The following ADCY8 variants were observed in gnomAD, a reference collection of about 807,000 sequenced individuals.
The protein encoded by ADCY8 is adenylate cyclase 8, also known as adenylate cyclase type 8.
Under a neutral mutation model 119.7 loss-of-function variants are expected in ADCY8, and 51 were observed. The observed-to-expected ratio is 0.43, with a 90% CI of 0.34 to 0.54. The LOEUF (loss-of-function observed/expected upper bound fraction) is 0.54. Ranked by LOEUF, ADCY8 falls within the 20% of genes least tolerant of loss-of-function variation. The probability of loss-of-function intolerance (pLI) is 0.03; values close to 1 mark genes in which losing one functional copy is unlikely to be tolerated. For missense variants in ADCY8, 1,383 were observed against 1,598.8 expected, an observed-to-expected ratio of 0.87 and a Z score of 2.30; for synonymous variants, 665 against 651.0, an observed-to-expected ratio of 1.02 and a Z score of -0.33.
intron 9 of ADCY8, among the ~76,000 whole-genome samples, chr8:130,864,107 T>C (rs893900947): frequency 6.6e-6 from 1 of 152,168 alleles, no homozygotes; most frequent in Admixed American, 6.5e-5. Flanking sequence ...TTTAATACTT[T>C]AAATGCTTGA....
intron 1 of ADCY8, among the ~76,000 whole-genome samples, chr8:130,997,867 C>G (rs975834795): frequency 1.3e-4 from 20 of 152,234 alleles, no homozygotes; most frequent in African/African-American, 4.8e-4. Context: ...CTGGATCCCT[C>G]GGGTCCCATC....
chr8:130,959,447 T>C (rs1447318913), intron 2 of ADCY8, among the ~76,000 whole-genome samples: 2 of 152,246 alleles, frequency 1.3e-5, no homozygotes, highest in African/African-American at 2.4e-5. Flanking sequence ...GAAGCTGTGA[T>C]TCATAATTCC....
intron 15 of ADCY8, among the ~76,000 whole-genome samples, chr8:130,796,931 CCT>C (rs1479821407): frequency 1.3e-5 from 2 of 152,212 alleles, no homozygotes; most frequent in African/African-American, 4.8e-5. Flanking sequence ...AGACCAATTC[CCT>C]GTTTTCCAAC....
At chr8:130,831,659 G>T (rs752679810) in intron 12 of ADCY8, among the ~76,000 whole-genome samples, 7 of 152,192 alleles carry the variant, frequency 4.6e-5, no homozygotes, top group Non-Finnish European at 8.8e-5. Context: ...ATGAAGGAGA[G>T]ATTTAAAAAT....
At chr8:130,783,669 C>T (rs1408122974) in intron 17 of ADCY8, 22 bp downstream of exon 17, 1 of 1,578,202 alleles carries the variant, frequency 6.3e-7, no homozygotes, top group East Asian at 2.2e-5. Flanking sequence ...TCTATCAGGC[C>T]CCACCTGCAG....
Position 130,942,683 on chromosome 8 carries a change from A to C in ADCY8, c.1353+668T>G, listed in dbSNP as rs146330741. On this transcript the variant is annotated intron_variant, in intron 4 of 17. Transcript: ENST00000286355. ...GTTGGCACTAACATACACACTTTAC[A>C]CAGCAGGAAATTAAGATGTCTATTT... Among the ~76,000 whole-genome samples, 8 of 152,346 alleles carry C rather than the reference A, an allele frequency of 5.3e-5. No homozygotes were observed. The East Asian group carries it at 1.5e-3, about 29-fold the overall frequency.
intron 11 of ADCY8, among the ~76,000 whole-genome samples, chr8:130,846,863 C>CTCCCCTCCCT (rs1817335417): frequency 3.0e-5 from 1 of 33,592 alleles, no homozygotes; most frequent in African/African-American, 1.7e-4. Context: ...CTCCCCTCCC[C>CTCCCCTCCCT]TCCCTTCCCT....
intron 2 of ADCY8, among the ~76,000 whole-genome samples, chr8:130,960,443 A>T (rs1033302929): frequency 2.8e-4 from 13 of 46,386 alleles, no homozygotes; most frequent in Non-Finnish European, 1.0e-3. Context: ...AAGGAAATGA[A>T]ACCTATTTAT....
chr8:130,960,798 G>A (rs1821578323), intron 2 of ADCY8, among the ~76,000 whole-genome samples: 1 of 152,096 alleles, frequency 6.6e-6, no homozygotes, highest in African/African-American at 2.4e-5. Context: ...GTAAATGAAT[G>A]TGAAATGGGA....
intron 11 of ADCY8, among the ~76,000 whole-genome samples, chr8:130,841,490 A>G (rs551083872): frequency 6.6e-6 from 1 of 152,312 alleles, no homozygotes; most frequent in East Asian, 1.9e-4. Flanking sequence ...TACAAACTAA[A>G]TCATGCATTT....
At chr8:130,974,320 C>T (rs890572822) in intron 2 of ADCY8, among the ~76,000 whole-genome samples, 3 of 152,104 alleles carry the variant, frequency 2.0e-5, no homozygotes, top group Non-Finnish European at 4.4e-5. Flanking sequence ...TAGCTAGAGA[C>T]ACTAGAGACT....
chr8:130,836,567 G>T, intron 11 of ADCY8, 118 bp from the exon 12 acceptor site: 1 of 1,109,094 alleles, frequency 9.0e-7, no homozygotes, highest in Non-Finnish European at 1.3e-6. Context: ...GAGGTCTCAA[G>T]GCCTCCTGAA....
intron 2 of ADCY8, among the ~76,000 whole-genome samples, chr8:130,952,984 A>C (rs985749568): frequency 6.6e-6 from 1 of 152,176 alleles, no homozygotes; most frequent in African/African-American, 2.4e-5. Context: ...AACACCAAAC[A>C]ATAATATTTC....
chr8:130,958,217 G>A (rs937736411), intron 2 of ADCY8, among the ~76,000 whole-genome samples: 80 of 152,340 alleles, frequency 5.3e-4, no homozygotes, highest in Non-Finnish European at 2.4e-4. Flanking sequence ...AAATCTATTT[G>A]TTCATAAATG....
Position 130,968,643 on chromosome 8 carries a change from G to A in ADCY8, c.1111-16645C>T, listed in dbSNP as rs867761821. On this transcript the variant is annotated intron_variant, in intron 2 of 17. Coordinates refer to ENST00000286355, the MANE Select transcript of ADCY8 (RefSeq NM_001115.3). ...GCTCTTCTCATGTAGAATAACCCACGATCAGTTTAACCTTAAGTAATGCTT... is the reference window on the plus strand; with the variant it reads ...GCTCTTCTCATGTAGAATAACCCACAATCAGTTTAACCTTAAGTAATGCTT... Among the ~76,000 whole-genome samples the A allele has an allele frequency of 1.3e-4, 20 of 152,266 alleles. No individual in the cohort carries two copies. In the Middle Eastern group the frequency reaches 0.017, roughly 129 times the overall value.
chr8:130,810,832 C>A (rs997557262), intron 14 of ADCY8, among the ~76,000 whole-genome samples: 3 of 152,188 alleles, frequency 2.0e-5, no homozygotes, highest in Non-Finnish European at 4.4e-5. Flanking sequence ...AGCTGATGAC[C>A]TGGAGTCTCA....
intron 15 of ADCY8, among the ~76,000 whole-genome samples, chr8:130,794,662 C>T (rs2029881386): frequency 6.6e-6 from 1 of 152,186 alleles, no homozygotes; most frequent in Non-Finnish European, 1.5e-5. Flanking sequence ...TATTAGTCTG[C>T]TCAAGCAGCC....
intron 11 of ADCY8, among the ~76,000 whole-genome samples, chr8:130,841,930 G>A (rs2130281794): frequency 6.6e-6 from 1 of 152,302 alleles, no homozygotes; most frequent in East Asian, 1.9e-4. Flanking sequence ...TCTGAGACCA[G>A]CCTAGACTCT....
At chr8:130,785,281 C>A in intron 16 of ADCY8, 102 bp downstream of exon 16, 1 of 750,150 alleles carries the variant, frequency 1.3e-6, no homozygotes, top group South Asian at 2.3e-5. Flanking sequence ...TTCTCCCCAT[C>A]TTTCCCCAAG....
Sources: gnomAD v4.1 joint callset for allele counts (sites outside exome capture counted in the v4.1 genomes callset) on GRCh38, gnomAD v4.1.1 for gene constraint, MANE v1.5 for transcripts, NCBI Gene and HGNC (gene_info 2026-07-23, HGNC 2026-07-21) for gene names.